The following RIPOR2 variants were observed in gnomAD, a reference collection of about 807,000 sequenced individuals.
RIPOR2 encodes the protein RHO family interacting cell polarization regulator 2, also known as rho family-interacting cell polarization regulator 2.
RIPOR2 carries 39 observed loss-of-function variants against 114.5 expected under a neutral mutation model. The ratio of observed to expected loss-of-function variants is 0.34; its 90% CI spans 0.26 to 0.44. The LOEUF (loss-of-function observed/expected upper bound fraction) is 0.44. RIPOR2 is among the 20% of genes least tolerant of loss of function. The probability of loss-of-function intolerance (pLI) is 1.00; values close to 1 mark genes in which losing one functional copy is unlikely to be tolerated. For synonymous variants in RIPOR2, 445 were observed against 484.4 expected, an observed-to-expected ratio of 0.92 and a Z score of 1.07; for missense variants, 1,007 against 1,255.1, an observed-to-expected ratio of 0.80 and a Z score of 2.99.
intron 1 of RIPOR2, among the ~76,000 whole-genome samples, chr6:24,978,342 C>G (rs760411971): frequency 4.6e-5 from 7 of 152,090 alleles, no homozygotes; most frequent in Non-Finnish European, 8.8e-5. Flanking sequence ...ATAGAATTCA[C>G]TGAAACAAGC....
chr6:25,029,483 C>G (rs1215015287), intron 1 of RIPOR2, among the ~76,000 whole-genome samples: 1 of 148,722 alleles, frequency 6.7e-6, no homozygotes, highest in Non-Finnish European at 1.5e-5. Context: ...AGAACAAACT[C>G]TGGCCTGGAC....
chr6:24,878,386 T>G (rs570304956), intron 1 of RIPOR2, among the ~76,000 whole-genome samples: 9 of 152,214 alleles, frequency 5.9e-5, no homozygotes, highest in Non-Finnish European at 1.2e-4. Context: ...TGTACTCAAT[T>G]TGACAACCAA....
At chr6:24,828,362 T>TC (rs1760371675) in intron 17 of RIPOR2, 67 bp from the exon 18 acceptor site, 9 of 1,268,670 alleles carry the variant, frequency 7.1e-6, no homozygotes, top group South Asian at 1.9e-5. Flanking sequence ...ATTCATTCAA[T>TC]AATTTTTATT....
At chr6:25,023,687 A>G (rs1445601084) in intron 1 of RIPOR2, 8 of 764,042 alleles carry the variant, frequency 1.0e-5, no homozygotes, top group Non-Finnish European at 1.9e-5. Flanking sequence ...GCGGTTCTCC[A>G]CGATGTCAGT....
At chr6:25,017,455 T>C (rs1776068993) in intron 1 of RIPOR2, among the ~76,000 whole-genome samples, 1 of 152,258 alleles carries the variant, frequency 6.6e-6, no homozygotes, top group Non-Finnish European at 1.5e-5. Flanking sequence ...GTTCGCAGTT[T>C]ATGCACACAT....
At chr6:24,823,860 C>A (rs1459947459) in intron 19 of RIPOR2, among the ~76,000 whole-genome samples, 1 of 152,102 alleles carries the variant, frequency 6.6e-6, no homozygotes, top group African/African-American at 2.4e-5. Flanking sequence ...GGGTTCAAGT[C>A]ATTCTCCTGC....
chr6:24,953,979 A>G (rs1266090223), intron 1 of RIPOR2, among the ~76,000 whole-genome samples: 1 of 152,216 alleles, frequency 6.6e-6, no homozygotes, highest in Non-Finnish European at 1.5e-5. Flanking sequence ...TCATGAACCT[A>G]GTGATGGGAA....
chr6:24,899,496 A>G (rs1272040641), intron 1 of RIPOR2, among the ~76,000 whole-genome samples: 1 of 152,218 alleles, frequency 6.6e-6, no homozygotes, highest in Non-Finnish European at 1.5e-5. Flanking sequence ...ATTGGTTACC[A>G]CTTTAAATCT....
At chr6:24,991,465 A>G (rs1190103411) in intron 1 of RIPOR2, among the ~76,000 whole-genome samples, 1 of 152,176 alleles carries the variant, frequency 6.6e-6, no homozygotes, top group Non-Finnish European at 1.5e-5. Flanking sequence ...GTAATTTCCC[A>G]CAAGACAGAT....
At chr6:24,869,707 G>A (rs950715324) in intron 5 of RIPOR2, among the ~76,000 whole-genome samples, 3 of 152,070 alleles carry the variant, frequency 2.0e-5, no homozygotes, top group Admixed American at 6.6e-5. Flanking sequence ...CATGAAGAAA[G>A]GCCAATCCAA....
At chr6:24,843,783 A>G (rs1189854949) in intron 12 of RIPOR2, among the ~76,000 whole-genome samples, 2 of 149,864 alleles carry the variant, frequency 1.3e-5, no homozygotes, top group Non-Finnish European at 3.0e-5. Flanking sequence ...GACTGTTTCT[A>G]TTGTTGAATC....
Position 24,859,685 on chromosome 6 carries a change from T to A in RIPOR2, c.715+1288A>T, listed in dbSNP as rs959955541. 5.3e-5 allele frequency among the ~76,000 whole-genome samples: 8 copies of A among 152,348 alleles called. No homozygotes were observed. The South Asian group carries it at 1.2e-3, about 24-fold the overall frequency. ...GGAAGCTGAGGGTCAAGGTCATTTA[T>A]ATTCCAGGTATTCTCAGACAGGCTC... is the stretch of plus-strand genomic sequence containing the variant. On this transcript the variant is annotated intron_variant, in intron 8 of 21. Transcript: ENST00000643898.
chr6:24,846,697 AG>A (rs1469978420), intron 12 of RIPOR2, among the ~76,000 whole-genome samples: 1 of 152,084 alleles, frequency 6.6e-6, no homozygotes, highest in Non-Finnish European at 1.5e-5. Context: ...TGACACTCAA[AG>A]CTTCGTTTTA....
chr6:24,823,877 C>T (rs761524974), intron 19 of RIPOR2, among the ~76,000 whole-genome samples: 6 of 152,296 alleles, frequency 3.9e-5, no homozygotes, highest in Non-Finnish European at 8.8e-5. Flanking sequence ...CTGCCTCAGC[C>T]TCCTGAGTAG....
intron 14 of RIPOR2, among the ~76,000 whole-genome samples, chr6:24,837,924 C>G (rs1326508814): frequency 6.6e-6 from 1 of 152,152 alleles, no homozygotes; most frequent in Non-Finnish European, 1.5e-5. Flanking sequence ...ACTTGAAAAC[C>G]CATTTACGTC....
At chr6:24,811,620 G>C (rs1425345476) in intron 20 of RIPOR2, among the ~76,000 whole-genome samples, 1 of 151,486 alleles carries the variant, frequency 6.6e-6, no homozygotes, top group Non-Finnish European at 1.5e-5. Context: ...CCATTGAAAG[G>C]GAAACATCCA....
chr6:24,985,938 G>A (rs905390043), intron 1 of RIPOR2, among the ~76,000 whole-genome samples: 20 of 152,178 alleles, frequency 1.3e-4, no homozygotes, highest in African/African-American at 4.8e-4. Context: ...AAATATAATA[G>A]TACAAGTGAC....
intron 1 of RIPOR2, 123 bp downstream of exon 1, chr6:24,935,715 G>A: frequency 5.9e-6 from 4 of 683,420 alleles, no homozygotes; most frequent in Non-Finnish European, 7.5e-6. Flanking sequence ...ACCTCACTCA[G>A]GATGCTTTGT....
chr6:24,920,679 T>C lies in RIPOR2; in HGVS notation c.61+15159A>G, dbSNP rs9393594. ...TGTTCGCTATTCTGAGTACTTAGAA[T>C]GGGACTTCATGAAGTCATCCACAAT... is the stretch of plus-strand genomic sequence containing the variant. On this transcript the variant is annotated intron_variant, in intron 1 of 21. Transcript: ENST00000643898. Among the ~76,000 whole-genome samples, 2,156 of 152,346 alleles carry C rather than the reference T, an allele frequency of 0.014. 127 individuals are homozygous for C. The East Asian group carries it at 0.19, about 13-fold the overall frequency.
Sources: allele counts gnomAD v4.1 joint callset (sites outside exome capture counted in the v4.1 genomes callset), GRCh38; gene constraint gnomAD v4.1.1; transcripts MANE v1.5; gene names NCBI Gene and HGNC (gene_info 2026-07-23, HGNC 2026-07-21).